Variants in PACRG observed in about 807,000 individuals in gnomAD.
The protein encoded by PACRG is parkin coregulated gene protein.
PACRG carries 29 observed loss-of-function variants against 29.7 expected under a neutral mutation model. The observed-to-expected ratio is 0.98, with a 90% CI of 0.73 to 1.33. The LOEUF (loss-of-function observed/expected upper bound fraction) is 1.33. Ranked by LOEUF, PACRG falls within the 40% of genes most tolerant of loss-of-function variation. The probability of loss-of-function intolerance (pLI) is 0.00; values close to 1 mark genes in which losing one functional copy is unlikely to be tolerated. For missense variants in PACRG, 279 were observed against 316.2 expected (o/e 0.88, Z 0.89); for synonymous variants, 116 against 118.7 (o/e 0.98, Z 0.15).
chr6:162,787,582 G>GTGTATCTATA (rs1198197561), intron 1 of PACRG, among the ~76,000 whole-genome samples: 1 of 62,418 alleles, frequency 1.6e-5, no homozygotes, highest in Admixed American at 1.9e-4. Context: ...GTGTGTGTGT[G>GTGTATCTATA]TATATATATA....
intron 4 of PACRG, among the ~76,000 whole-genome samples, chr6:163,202,884 G>A (rs1780763985): frequency 6.6e-6 from 1 of 152,198 alleles, no homozygotes; most frequent in Non-Finnish European, 1.5e-5. Flanking sequence ...AAGTCAGACT[G>A]TGAGAATTCA....
chr6:163,257,818 G>A (rs542142983), intron 4 of PACRG, among the ~76,000 whole-genome samples: 1 of 152,098 alleles, frequency 6.6e-6, no homozygotes, highest in East Asian at 1.9e-4. Flanking sequence ...GTGGAAAAGG[G>A]GTTGATATTG....
chr6:163,115,357 A>G (rs975435254), intron 4 of PACRG, among the ~76,000 whole-genome samples: 8 of 152,152 alleles, frequency 5.3e-5, no homozygotes, highest in African/African-American at 1.9e-4. Context: ...GAGCTACTTT[A>G]TGCTTTAATC....
At chr6:163,115,773 C>G (rs930580047) in intron 4 of PACRG, among the ~76,000 whole-genome samples, 1 of 152,180 alleles carries the variant, frequency 6.6e-6, no homozygotes, top group Non-Finnish European at 1.5e-5. Flanking sequence ...ACTCTTGGGT[C>G]CACACTCTGG....
At position 162,947,583 on chromosome 6, in the gene PACRG, C is replaced by CATATATATAAAATCATATAT. The variant is rs1799244165; in HGVS notation, c.292-114557_292-114556insAATCATATATATATATATAA. Among the ~76,000 whole-genome samples the CATATATATAAAATCATATAT allele has an allele frequency of 7.1e-5, 3 of 42,046 alleles. No homozygotes were observed. The South Asian group carries it at 3.0e-3, about 42-fold the overall frequency. The allele number at this position is 42,046 out of a possible 152,430, so 27.6% of individuals were successfully genotyped here. A position where few individuals can be genotyped will look rare whatever the true frequency, so the allele number is the denominator to read the frequency against. On this transcript the variant is annotated intron_variant, in intron 2 of 4. Coordinates refer to ENST00000366888, the MANE Select transcript of PACRG (RefSeq NM_001080379.2). Reference sequence around the variant, plus strand: ...TCATATATATATACTCATATATAATCATATATATAATCATATATATATATA... The same window carrying CATATATATAAAATCATATAT: ...TCATATATATATACTCATATATAATCATATATATAAAATCATATATATATATATAATCATATATATATATA...
intron 4 of PACRG, among the ~76,000 whole-genome samples, chr6:163,284,799 C>T (rs1784339696): frequency 6.6e-6 from 1 of 152,156 alleles, no homozygotes; most frequent in East Asian, 1.9e-4. Flanking sequence ...CTTTGTCCTC[C>T]CCTGTTGCCC....
intron 2 of PACRG, among the ~76,000 whole-genome samples, chr6:162,820,357 T>C (rs1432529190): frequency 1.3e-5 from 2 of 152,218 alleles, no homozygotes; most frequent in African/African-American, 2.4e-5. Context: ...TATAAAAATC[T>C]CTGTCAATGT....
intron 4 of PACRG, among the ~76,000 whole-genome samples, chr6:163,292,940 C>T (rs1224613558): frequency 6.6e-6 from 1 of 152,160 alleles, no homozygotes; most frequent in Non-Finnish European, 1.5e-5. Flanking sequence ...CAGGCGATCT[C>T]ACAAACTTGC....
chr6:163,143,146 G>A (rs1468549934), intron 4 of PACRG, among the ~76,000 whole-genome samples: 1 of 152,126 alleles, frequency 6.6e-6, no homozygotes, highest in Admixed American at 6.5e-5. Flanking sequence ...AACTGGGTGA[G>A]GGATGCAGAG....
rs1469745333 is a variant in PACRG, at chr6:162,814,248, G to A, written c.258G>A (p.Glu86=). The change falls in exon 2 of 5, where the codon GAG becomes GAA. Residue 86 remains glutamate (E), a synonymous_variant. Transcript: ENST00000366888. Reference sequence around the variant, plus strand: ...GAGGTGACTTCCCAATTGCCCTTGAGCATGATTCGAAAGGAAACAAAATCG... The same window carrying A: ...GAGGTGACTTCCCAATTGCCCTTGAACATGATTCGAAAGGAAACAAAATCG... The part of the protein sequence containing the change: ...YERGDFPIAL[E]HDSKGNKIAW... 6.2e-7 allele frequency: 1 copy of A among 1,613,844 alleles called. No homozygotes were observed. Among genetic ancestry groups the A allele is most frequent in the Non-Finnish European group, 8.5e-7 (1 of 1,179,860 alleles).
intron 1 of PACRG, among the ~76,000 whole-genome samples, chr6:162,731,823 G>T (rs895602641): frequency 1.3e-5 from 2 of 152,048 alleles, no homozygotes; most frequent in Non-Finnish European, 2.9e-5. Context: ...TTTGGCTTCT[G>T]TAACACTGAC....
At chr6:162,752,747 C>G (rs1197892729) in intron 1 of PACRG, among the ~76,000 whole-genome samples, 1 of 152,066 alleles carries the variant, frequency 6.6e-6, no homozygotes, top group Non-Finnish European at 1.5e-5. Flanking sequence ...GTATGTAGTA[C>G]CAGACACTAA....
intron 2 of PACRG, among the ~76,000 whole-genome samples, chr6:163,011,910 C>G (rs1344871073): frequency 6.6e-6 from 1 of 152,200 alleles, no homozygotes; most frequent in African/African-American, 2.4e-5. Flanking sequence ...CTTCTACCCC[C>G]ACTTCTTGTC....
chr6:163,143,665 A>G (rs934697561), intron 4 of PACRG, among the ~76,000 whole-genome samples: 1 of 152,154 alleles, frequency 6.6e-6, no homozygotes, highest in African/African-American at 2.4e-5. Flanking sequence ...TTGATATTGA[A>G]CTAAACTTCC....
intron 4 of PACRG, among the ~76,000 whole-genome samples, chr6:163,222,351 G>A (rs1353422115): frequency 5.3e-5 from 8 of 152,250 alleles, no homozygotes; most frequent in East Asian, 1.9e-4. Context: ...AGGCCGAGGC[G>A]GGTGGATCCC....
intron 4 of PACRG, among the ~76,000 whole-genome samples, chr6:163,274,380 C>T (rs1429893140): frequency 6.6e-6 from 1 of 152,166 alleles, no homozygotes; most frequent in Non-Finnish European, 1.5e-5. Context: ...TTTATGGCTG[C>T]ATAGTGTTCC....
chr6:163,260,584 T>A (rs1783286137), intron 4 of PACRG, among the ~76,000 whole-genome samples: 1 of 152,200 alleles, frequency 6.6e-6, no homozygotes, highest in African/African-American at 2.4e-5. Context: ...AATGTAAATG[T>A]GTTATGCAAA....
chr6:162,971,229 C>A (rs550172234), intron 2 of PACRG, among the ~76,000 whole-genome samples: 1 of 152,298 alleles, frequency 6.6e-6, no homozygotes, highest in South Asian at 2.1e-4. Flanking sequence ...AAGCTCTGTT[C>A]CGAGAGGCCC....
At chr6:163,246,354 C>T (rs997310544) in intron 4 of PACRG, among the ~76,000 whole-genome samples, 4 of 152,302 alleles carry the variant, frequency 2.6e-5, no homozygotes, top group East Asian at 3.9e-4. Flanking sequence ...TGGACACTCT[C>T]GCCCTGGTTC....
Sources: gnomAD v4.1 joint callset for allele counts (sites outside exome capture counted in the v4.1 genomes callset) on GRCh38, gnomAD v4.1.1 for gene constraint, MANE v1.5 for transcripts, NCBI Gene and HGNC (gene_info 2026-07-23, HGNC 2026-07-21) for gene names.